MYO1F: variants seen among roughly 807,000 people sequenced by gnomAD.
MYO1F encodes the protein myosin IF, also known as unconventional myosin-If.
Under a neutral mutation model 146.6 loss-of-function variants are expected in MYO1F, and 60 were observed. That is an observed-to-expected ratio of 0.41 (90% CI 0.33 to 0.51). The LOEUF is 0.51. Among genes scored for constraint, MYO1F ranks in the 20% least tolerant of loss-of-function variants. The pLI, the probability that MYO1F is intolerant of heterozygous loss-of-function variation, is 0.25. For synonymous variants in MYO1F, 602 were observed against 602.1 expected, an observed-to-expected ratio of 1.00 and a Z score of 0.00; for missense variants, 1,274 against 1,534.3, an observed-to-expected ratio of 0.83 and a Z score of 2.83.
rs1215271268 is a variant in MYO1F at position 8,536,490 on chromosome 19, G to A, written c.1898+9C>T. The A allele has an allele frequency of 1.2e-6, 2 of 1,612,600 alleles. No homozygotes were observed. Among genetic ancestry groups the A allele is most frequent in the Non-Finnish European group, 1.7e-6 (2 of 1,179,482 alleles). On this transcript the variant is annotated intron_variant, in intron 18 of 27. Transcript: ENST00000644032. ...GGGATGGCGAGGGCGGGGGTGGAGG[G>A]CTCCTCACCTCTGCAGGAATTTGGC...
In MYO1F at chr19:8,527,410, G is replaced by A. The variant is rs367713395; in HGVS notation, c.2402C>T (p.Pro801Leu). The A allele has an allele frequency of 6.2e-6, 10 of 1,613,916 alleles. No individual in the cohort carries two copies. In the Admixed American group the frequency reaches 6.7e-5, roughly 11 times the overall value. ...GACTTCACACACCTGGCCCTTCTCAGGTCCCTTCTTCACTTTCTCTCGCCC... is the reference window on the plus strand; with the variant it reads ...GACTTCACACACCTGGCCCTTCTCAAGTCCCTTCTTCACTTTCTCTCGCCC... ...VIGREKVKKG[P>L]EKGQVCEVLK... Residue 801 changes from proline (P) to leucine (L), a missense_variant, in exon 22 of 28, where the codon CCT (proline) becomes CTT (leucine). By Grantham distance (98) the Pro-to-Leu change is moderately conservative. Around this residue, in one of 2 missense-constraint regions of MYO1F, gnomAD observed 900 missense variants for 1,155.1 expected, o/e 0.78. Transcript: ENST00000644032.
At chr19:8,560,540 AGG>A (rs1471454030) in intron 1 of MYO1F, among the ~76,000 whole-genome samples, 1 of 150,462 alleles carries the variant, frequency 6.6e-6, no homozygotes, top group Admixed American at 6.6e-5. Flanking sequence ...CACGCACAGG[AGG>A]CTGGGCTGGT....
intron 1 of MYO1F, among the ~76,000 whole-genome samples, chr19:8,574,968 C>G (rs190602258): frequency 6.6e-6 from 1 of 151,840 alleles, no homozygotes; most frequent in Non-Finnish European, 1.5e-5. Context: ...GTTGGCCAGG[C>G]TGGTCTTGAA....
At position 8,522,845 on chromosome 19, in the gene MYO1F, G is replaced by A; in HGVS notation, c.2855-16C>T. The stretch of plus-strand genomic sequence containing the variant: ...CGATCCATGCCTGTGGCAGGAGCAA[G>A]GATGAAGACATGTATTAGGGTGATG... On this transcript the variant is annotated splice_polypyrimidine_tract_variant and intron_variant, in intron 25 of 27. Transcript: ENST00000644032. The A allele has an allele frequency of 1.9e-6, 3 of 1,546,556 alleles. No homozygotes were observed. Among genetic ancestry groups the A allele is most frequent in the Non-Finnish European group, 2.6e-6 (3 of 1,150,168 alleles).
chr19:8,539,168 G>A (rs1457418981), intron 16 of MYO1F, among the ~76,000 whole-genome samples: 5 of 151,236 alleles, frequency 3.3e-5, no homozygotes, highest in Non-Finnish European at 7.4e-5. Context: ...TAATCCCAGC[G>A]CTTTGGGAGG....
At chr19:8,549,691 G>A (rs1054386592) in intron 10 of MYO1F, 13 of 181,302 alleles carry the variant, frequency 7.2e-5, no homozygotes, top group Non-Finnish European at 1.2e-4. Context: ...TTTTAGTAGA[G>A]AGGGGGTTTC....
At chr19:8,522,239 G>T in intron 27 of MYO1F, 138 bp downstream of exon 27, 1 of 1,068,348 alleles carries the variant, frequency 9.4e-7, no homozygotes, top group Non-Finnish European at 1.4e-6. Flanking sequence ...AGCCAGGATG[G>T]TCTCGATCTC....
chr19:8,550,408 GC>G (rs1444623524), intron 9 of MYO1F, 52 bp from the exon 10 acceptor site: 1 of 1,588,108 alleles, frequency 6.3e-7, no homozygotes, highest in African/African-American at 1.3e-5. Context: ...GGGCTCTTGT[GC>G]CTCCTGCATG....
rs771202309 is a variant in MYO1F at position 8,530,439 on chromosome 19, G to T, written c.2158+20C>A. 4 of 1,613,460 alleles carry T rather than the reference G, an allele frequency of 2.5e-6. No individual in the cohort carries two copies. The African/African-American group carries it at 4.0e-5, about 16-fold the overall frequency. On this transcript the variant is annotated intron_variant, in intron 20 of 27. Coordinates refer to ENST00000644032, the MANE Select transcript of MYO1F (RefSeq NM_012335.4). This position sits in a 1 kb window ranked among gnomAD's most constrained non-coding sequence, Gnocchi z 5.8. The stretch of plus-strand genomic sequence containing the variant: ...GGTCCTTGTGCCCCCACCCCGCGCC[G>T]TTTACCCGAAGCCTCTCACCTTCCT...
At chr19:8,548,397 C>T (rs1599976973) in intron 10 of MYO1F, 80 bp from the exon 11 acceptor site, 1 of 1,328,390 alleles carries the variant, frequency 7.5e-7, no homozygotes, top group Non-Finnish European at 1.1e-6. Context: ...TAGACACACG[C>T]CTAGCCAACT....
Position 8,554,545 on chromosome 19 carries a change from G to C in MYO1F, c.258C>G (p.Ile86Met), listed in dbSNP as rs200396679. The change falls in exon 4 of 28, where the codon ATC becomes ATG. Residue 86 changes from isoleucine (I) to methionine (M), a missense_variant. Physicochemically the swap from Ile to Met is conservative, Grantham distance 10. Around this residue, in one of 2 missense-constraint regions of MYO1F, gnomAD observed 900 missense variants for 1,155.1 expected, o/e 0.78. Coordinates refer to ENST00000644032, the MANE Select transcript of MYO1F (RefSeq NM_012335.4). Reference sequence around the variant, plus strand: ...GGTACATGTTGTCCGTGAGGGCGTAGATGTGCGGGGGATTCTCATACTGGG... The same window carrying C: ...GGTACATGTTGTCCGTGAGGGCGTACATGTGCGGGGGATTCTCATACTGGG... ...GAAQYENPPHIYALTDNMYRN... is the reference protein window; with the variant it reads ...GAAQYENPPHMYALTDNMYRN... 1 of 1,613,670 alleles carries C rather than the reference G, an allele frequency of 6.2e-7. No individual in the cohort carries two copies. The highest frequency in any genetic ancestry group is 8.5e-7 in the Non-Finnish European group (1 of 1,179,670).
At chr19:8,526,686 C>T in intron 23 of MYO1F, 85 bp from the exon 24 acceptor site, 2 of 1,536,830 alleles carry the variant, frequency 1.3e-6, no homozygotes, top group African/African-American at 1.4e-5. Context: ...GGGGCGGGGC[C>T]GCGGCCGGGG....
intron 2 of MYO1F, chr19:8,555,362 G>T (rs1973799858): frequency 3.3e-6 from 1 of 299,326 alleles, no homozygotes; most frequent in South Asian, 2.8e-5. Context: ...GGGCGACAGA[G>T]CAAGACTCCG....
intron 4 of MYO1F, 28 bp from the exon 5 acceptor site, chr19:8,553,465 C>T (rs769269236): frequency 1.2e-5 from 20 of 1,601,382 alleles, no homozygotes; most frequent in Non-Finnish European, 1.7e-6. Context: ...AATAAATGAT[C>T]AGTGGTTGGG....
chr19:8,536,422 G>A, intron 18 of MYO1F, 26 bp from the exon 19 acceptor site: 1 of 1,608,628 alleles, frequency 6.2e-7, no homozygotes. Context: ...TGGGGTGTGG[G>A]AGTGCTCATA....
In MYO1F at chr19:8,548,270, A is replaced by G. The variant is rs1973456172; in HGVS notation, c.1149T>C (p.Gly383=). ...TCTCGAAGCCGTAAATGTCCAGCAC[A>G]CCGATGCTGTACTCTTCCTGGGGTT... ...MQKPQEEYSI[G]VLDIYGFEIF... Residue 383 remains glycine, a synonymous_variant, in exon 11 of 28, where the codon GGT becomes GGC. Transcript: ENST00000644032. The G allele has an allele frequency of 6.2e-7, 1 of 1,613,720 alleles. No homozygotes were observed. Among genetic ancestry groups the G allele is most frequent in the Non-Finnish European group, 8.5e-7 (1 of 1,179,976 alleles).
rs2042021518 is a variant in MYO1F, at chr19:8,567,212, A to C, written c.3+10095T>G. On this transcript the variant is annotated intron_variant, in intron 1 of 27. Transcript: ENST00000644032. ...CTCTCGAGTAGCTGGGATTATAGGC[A>C]CCCACCACCAAGCCTGCTAATTTTT... is the stretch of plus-strand genomic sequence containing the variant. Among the ~76,000 whole-genome samples the C allele has an allele frequency of 2.0e-5, 3 of 151,262 alleles. No individual in the cohort carries two copies. The South Asian group carries it at 6.3e-4, about 32-fold the overall frequency.
At chr19:8,571,914 G>C (rs1304941712) in intron 1 of MYO1F, among the ~76,000 whole-genome samples, 1 of 151,744 alleles carries the variant, frequency 6.6e-6, no homozygotes, top group African/African-American at 2.4e-5. Context: ...TTTTAGAGAC[G>C]GGGTTTCACT....
chr19:8,521,078 G>A lies in MYO1F; in HGVS notation c.*450C>T, dbSNP rs568087491. On this transcript the variant is annotated 3_prime_UTR_variant, in exon 28 of 28. Transcript: ENST00000644032. ...TACCTCACAGGGCTGTGAAAACATC[G>A]TCCTTGTTGGGCACTTAGTAAGTTA... 5.5e-5 allele frequency: 16 copies of A among 290,240 alleles called. No homozygotes were observed. The highest frequency in any genetic ancestry group is 4.4e-4 in the East Asian group (5 of 11,318). The allele number at this position is 290,240 out of a possible 1,614,324, so 18.0% of individuals were successfully genotyped here.
Sources: allele counts gnomAD v4.1 joint callset (sites outside exome capture counted in the v4.1 genomes callset), GRCh38; gene constraint gnomAD v4.1.1; regional missense constraint gnomAD v4.1.1; non-coding constraint Gnocchi (gnomAD v3.1); transcripts MANE v1.5; gene names NCBI Gene and HGNC (gene_info 2026-07-23, HGNC 2026-07-21).